PTER: variants seen among roughly 807,000 people sequenced by gnomAD.
PTER encodes the protein phosphotriesterase related, also known as N-acetyltaurine hydrolase.
PTER carries 38 observed loss-of-function variants against 29.6 expected under a neutral mutation model. The observed-to-expected ratio is 1.28, with a 90% confidence interval of 0.99 to 1.68. PTER has a LOEUF of 1.68. Ranked by LOEUF, PTER falls within the 40% of genes most tolerant of loss-of-function variation. PTER has a pLI of 0.00. For synonymous variants in PTER, 172 were observed against 154.5 expected (o/e 1.11, Z -0.84); for missense variants, 482 against 427.8 (o/e 1.13, Z -1.12).
At chr10:16,473,050 A>G (rs962476315) in intron 1 of PTER, among the ~76,000 whole-genome samples, 5 of 150,544 alleles carry the variant, frequency 3.3e-5, no homozygotes, top group African/African-American at 1.2e-4. Flanking sequence ...ACTTTATTGG[A>G]ATTTTAGAGT....
chr10:16,471,841 C>A (rs1377893560), intron 1 of PTER, among the ~76,000 whole-genome samples: 1 of 152,094 alleles, frequency 6.6e-6, no homozygotes, highest in African/African-American at 2.4e-5. Context: ...GAGTATAAAT[C>A]TTTTTTACAC....
chr10:16,447,094 T>G (rs1363425219), intron 1 of PTER, among the ~76,000 whole-genome samples: 2 of 118,828 alleles, frequency 1.7e-5, no homozygotes, highest in African/African-American at 7.4e-5. Context: ...CGGCCTTTTT[T>G]TCTTTTCTTT....
At chr10:16,441,087 G>A (rs1833833981) in intron 1 of PTER, among the ~76,000 whole-genome samples, 1 of 152,220 alleles carries the variant, frequency 6.6e-6, no homozygotes, top group African/African-American at 2.4e-5. Flanking sequence ...ATGGCGTTTA[G>A]ATGTTTAATT....
chr10:16,507,769 TTC>T (rs1836632533), intron 4 of PTER, among the ~76,000 whole-genome samples: 1 of 152,252 alleles, frequency 6.6e-6, no homozygotes, highest in South Asian at 2.1e-4. Flanking sequence ...ACCAATGAAG[TTC>T]TGTCTTTTAA....
At chr10:16,465,985 T>C (rs1834797531) in intron 1 of PTER, among the ~76,000 whole-genome samples, 1 of 152,174 alleles carries the variant, frequency 6.6e-6, no homozygotes. Context: ...ACCTCCCATC[T>C]GTTCCCTCCC....
chr10:16,471,581 C>A (rs921625273), intron 1 of PTER, among the ~76,000 whole-genome samples: 1 of 152,054 alleles, frequency 6.6e-6, no homozygotes, highest in African/African-American at 2.4e-5. Flanking sequence ...AAATTTTTAT[C>A]GTATTTAAAA....
intron 1 of PTER, among the ~76,000 whole-genome samples, chr10:16,443,778 C>G (rs906600031): frequency 6.6e-6 from 1 of 152,132 alleles, no homozygotes; most frequent in East Asian, 1.9e-4. Flanking sequence ...AATTTCCTCT[C>G]CGAATCAGAA....
intron 1 of PTER, among the ~76,000 whole-genome samples, chr10:16,480,529 A>G (rs1302659467): frequency 6.6e-6 from 1 of 152,088 alleles, no homozygotes; most frequent in African/African-American, 2.4e-5. Flanking sequence ...TTGTTAGACG[A>G]GTACCTTCAA....
intron 1 of PTER, among the ~76,000 whole-genome samples, chr10:16,442,256 TA>T (rs1420587308): frequency 6.6e-6 from 1 of 152,252 alleles, no homozygotes; most frequent in Non-Finnish European, 1.5e-5. Context: ...TAAATTTTCA[TA>T]AATTCTCAAA....
chr10:16,465,056 T>C (rs1564392093), intron 1 of PTER, among the ~76,000 whole-genome samples: 3 of 152,088 alleles, frequency 2.0e-5, no homozygotes, highest in Non-Finnish European at 2.9e-5. Context: ...ACCCCCATGA[T>C]TCAAATACCT....
At chr10:16,468,976 T>TA (rs56959068) in intron 1 of PTER, among the ~76,000 whole-genome samples, 87 of 147,872 alleles carry the variant, frequency 5.9e-4, no homozygotes, top group South Asian at 3.4e-3. Flanking sequence ...CCCTGTCTCT[T>TA]AAAAAAAAAA....
At chr10:16,473,469 G>A (rs1490946359) in intron 1 of PTER, among the ~76,000 whole-genome samples, 9 of 119,134 alleles carry the variant, frequency 7.6e-5, no homozygotes, top group Admixed American at 6.0e-4. Flanking sequence ...GCAGTGAGCC[G>A]AAATCGCACC....
At chr10:16,464,787 C>A (rs1036197539) in intron 1 of PTER, among the ~76,000 whole-genome samples, 35 of 152,184 alleles carry the variant, frequency 2.3e-4, no homozygotes, top group African/African-American at 7.5e-4. Context: ...TTGCTTTGTA[C>A]CTGTATCCAT....
intron 1 of PTER, among the ~76,000 whole-genome samples, chr10:16,455,185 T>C (rs1245871770): frequency 6.6e-6 from 1 of 151,978 alleles, no homozygotes; most frequent in African/African-American, 2.4e-5. Flanking sequence ...GCTATAATCA[T>C]GCCACTTTAC....
intron 4 of PTER, among the ~76,000 whole-genome samples, chr10:16,509,867 C>G (rs1044486653): frequency 2.0e-5 from 3 of 152,092 alleles, no homozygotes; most frequent in Non-Finnish European, 4.4e-5. Flanking sequence ...GTCTATTCTT[C>G]CATTATAATT....
chr10:16,494,763 ACTTT>A (rs1477956801), intron 3 of PTER, among the ~76,000 whole-genome samples: 39 of 152,114 alleles, frequency 2.6e-4, no homozygotes, highest in Admixed American at 6.6e-4. Context: ...ATCTCTATTT[ACTTT>A]CTATTTTTGA....
Position 16,512,393 on chromosome 10 carries a change from A to G in PTER, c.*1137A>G, listed in dbSNP as rs1836848748. ...CCCTTGCTGCCAGTTCCTCTTTGAT[A>G]AATATATAGTTAATTCGAAATAAAA... On this transcript the variant is annotated 3_prime_UTR_variant, in exon 5 of 5. Coordinates refer to ENST00000535784, the MANE Select transcript of PTER (RefSeq NM_001261836.2). 6.6e-6 allele frequency: 1 copy of G among 152,174 alleles called. No homozygotes were observed. The highest frequency in any genetic ancestry group is 2.4e-5 in the African/African-American group (1 of 41,452). 9.4% of individuals were successfully genotyped at this position (152,174 alleles called of 1,614,324 possible). A position where few individuals can be genotyped will look rare whatever the true frequency, so the allele number is the denominator to read the frequency against.
intron 4 of PTER, among the ~76,000 whole-genome samples, chr10:16,507,375 C>T (rs1836616029): frequency 1.3e-5 from 2 of 151,898 alleles, no homozygotes; most frequent in Admixed American, 1.3e-4. Flanking sequence ...AGCAGTAGTT[C>T]CCTATGATAA....
At chr10:16,458,158 G>A (rs1834480204) in intron 1 of PTER, among the ~76,000 whole-genome samples, 1 of 151,980 alleles carries the variant, frequency 6.6e-6, no homozygotes, top group Admixed American at 6.5e-5. Flanking sequence ...ATTAAAGATT[G>A]TAGGAAGACC....
Sources: gnomAD v4.1 joint callset for allele counts (sites outside exome capture counted in the v4.1 genomes callset) on GRCh38, gnomAD v4.1.1 for gene constraint, MANE v1.5 for transcripts, NCBI Gene and HGNC (gene_info 2026-07-23, HGNC 2026-07-21) for gene names.